Variants in PRDM6 observed in about 807,000 individuals in gnomAD.
PRDM6 encodes the protein PR/SET domain 6, also known as putative histone-lysine N-methyltransferase PRDM6.
PRDM6 carries 25 observed loss-of-function variants against 60.8 expected under a neutral mutation model. The observed-to-expected ratio is 0.41, with a 90% CI of 0.30 to 0.57. The LOEUF (loss-of-function observed/expected upper bound fraction) is 0.57. Among genes scored for constraint, PRDM6 ranks in the 20% least tolerant of loss-of-function variants. The pLI is 0.27. For synonymous variants in PRDM6, 407 were observed against 357.4 expected (o/e 1.14, Z -1.57); for missense variants, 839 against 821.3 (o/e 1.02, Z -0.26).
At chr5:123,163,367 T>G (rs1199030227) in intron 5 of PRDM6, among the ~76,000 whole-genome samples, 1 of 152,186 alleles carries the variant, frequency 6.6e-6, no homozygotes, top group East Asian at 1.9e-4. Flanking sequence ...AAGTACACAT[T>G]TCCTATCGAG....
chr5:123,109,225 T>G (rs1057163898), intron 3 of PRDM6, among the ~76,000 whole-genome samples: 2 of 152,164 alleles, frequency 1.3e-5, no homozygotes, highest in Non-Finnish European at 2.9e-5. Flanking sequence ...TTTGAAATGC[T>G]TTTTAAGGTA....
chr5:123,102,173 C>T (rs541820614), intron 3 of PRDM6, among the ~76,000 whole-genome samples: 1 of 152,264 alleles, frequency 6.6e-6, no homozygotes, highest in Non-Finnish European at 1.5e-5. Flanking sequence ...CAAAATGTGT[C>T]AGTCTCCTGG....
chr5:123,190,558 A>AATGT lies in PRDM6; in HGVS notation c.*3359_*3362dup, dbSNP rs1233404058. 2.6e-5 allele frequency: 4 copies of AATGT among 152,192 alleles called. No individual in the cohort carries two copies. The highest frequency in any genetic ancestry group is 1.3e-4 in the Admixed American group (2 of 15,274). The allele number at this position is 152,192 out of a possible 1,614,324, so 9.4% of individuals were successfully genotyped here. On this transcript the variant is annotated 3_prime_UTR_variant, in exon 8 of 8. Coordinates refer to ENST00000407847, the MANE Select transcript of PRDM6 (RefSeq NM_001136239.4). The stretch of plus-strand genomic sequence containing the variant: ...GTACATTTTTTATTGTGTTCATTTA[A>AATGT]ATGTAGCCTTCTTGGGAAACTATGT...
At chr5:123,089,971 G>C in intron 1 of PRDM6, 29 bp from the exon 2 acceptor site, 1 of 1,480,616 alleles carries the variant, frequency 6.8e-7, no homozygotes, top group East Asian at 2.7e-5. Flanking sequence ...CAGCTCACGC[G>C]CCCCCTCTTC....
At chr5:123,096,965 TC>T (rs1763973594) in intron 2 of PRDM6, among the ~76,000 whole-genome samples, 1 of 152,142 alleles carries the variant, frequency 6.6e-6, no homozygotes, top group Non-Finnish European at 1.5e-5. Flanking sequence ...GTTGACTGTC[TC>T]TGGCACAGGC....
At position 123,090,035 on chromosome 5, in the gene PRDM6, C is replaced by T; in HGVS notation, c.21C>T (p.Pro7=). 6.5e-7 allele frequency: 1 copy of T among 1,547,880 alleles called. No individual in the cohort carries two copies. The part of the protein sequence containing the change: MLKPGD[P]GGSAFLKVDP... ...CGGACATGCTGAAGCCCGGAGACCC[C>T]GGCGGTTCGGCCTTCCTCAAAGTGG... is the stretch of plus-strand genomic sequence containing the variant. Residue 7 remains proline (P), a synonymous_variant, in exon 2 of 8, where the codon CCC becomes CCT. Coordinates refer to ENST00000407847, the MANE Select transcript of PRDM6 (RefSeq NM_001136239.4).
At chr5:123,175,505 T>C (rs1765985386) in intron 6 of PRDM6, among the ~76,000 whole-genome samples, 1 of 152,240 alleles carries the variant, frequency 6.6e-6, no homozygotes, top group Non-Finnish European at 1.5e-5. Flanking sequence ...ATCCCCCAAG[T>C]GTGAAGGTTA....
Position 123,191,077 on chromosome 5 carries a change from G to T in PRDM6, c.*3876G>T, listed in dbSNP as rs1355199017. On this transcript the variant is annotated 3_prime_UTR_variant, in exon 8 of 8. Coordinates refer to ENST00000407847, the MANE Select transcript of PRDM6 (RefSeq NM_001136239.4). ...TATCAAGAGACCAGGATTAGGGCCTGGGTCTTGGGTTTTTATGACCCCCCC... is the reference window on the plus strand; with the variant it reads ...TATCAAGAGACCAGGATTAGGGCCTTGGTCTTGGGTTTTTATGACCCCCCC... The T allele has an allele frequency of 6.6e-6, 1 of 152,114 alleles. No homozygotes were observed. Among genetic ancestry groups the T allele is most frequent in the Non-Finnish European group, 1.5e-5 (1 of 68,038 alleles). 9.4% of individuals were successfully genotyped at this position (152,114 alleles called of 1,614,324 possible).
At chr5:123,178,100 T>C (rs542588064) in intron 6 of PRDM6, among the ~76,000 whole-genome samples, 5 of 152,148 alleles carry the variant, frequency 3.3e-5, no homozygotes, top group Non-Finnish European at 7.4e-5. Context: ...TCTGTTCTCC[T>C]GTGTGTAAAC....
In PRDM6 at chr5:123,089,665, C is replaced by T. The variant is rs574727357; in HGVS notation, c.-16+146C>T. 565 of 245,506 alleles carry T rather than the reference C, an allele frequency of 2.3e-3. 3 individuals carry two copies. Among genetic ancestry groups the T allele is most frequent in the Non-Finnish European group, 3.3e-3 (422 of 128,910 alleles). The allele number at this position is 245,506 out of a possible 1,614,324, so 15.2% of individuals were successfully genotyped here. On this transcript the variant is annotated intron_variant, in intron 1 of 7. Coordinates refer to ENST00000407847, the MANE Select transcript of PRDM6 (RefSeq NM_001136239.4). ...GCTCGGGCGCTGCGCCACGCCGGCT[C>T]GGGTCGGCTCCGGGCGCTGGCTGAG...
intron 5 of PRDM6, among the ~76,000 whole-genome samples, chr5:123,163,654 G>GT (rs1765683737): frequency 6.6e-6 from 1 of 152,230 alleles, no homozygotes; most frequent in Non-Finnish European, 1.5e-5. Flanking sequence ...TGTGTCGACA[G>GT]ATCACATCCG....
At chr5:123,102,965 C>T (rs534848605) in intron 3 of PRDM6, among the ~76,000 whole-genome samples, 3 of 152,136 alleles carry the variant, frequency 2.0e-5, no homozygotes, top group South Asian at 4.1e-4. Context: ...TTTATTTAAT[C>T]ATTAGAAGCT....
intron 3 of PRDM6, among the ~76,000 whole-genome samples, chr5:123,138,160 T>C (rs1765010738): frequency 6.6e-6 from 1 of 152,212 alleles, no homozygotes; most frequent in Non-Finnish European, 1.5e-5. Context: ...CTGGGGAGTT[T>C]TCCCTGTTCT....
At chr5:123,164,824 G>A (rs547928188) in intron 5 of PRDM6, among the ~76,000 whole-genome samples, 4 of 152,112 alleles carry the variant, frequency 2.6e-5, no homozygotes, top group Non-Finnish European at 5.9e-5. Context: ...CATCTCGGAT[G>A]AGTTGTTTCC....
intron 3 of PRDM6, among the ~76,000 whole-genome samples, chr5:123,151,849 G>A (rs1580521050): frequency 6.6e-6 from 1 of 152,062 alleles, no homozygotes; most frequent in Admixed American, 6.6e-5. Context: ...TGCTGGTGAG[G>A]TGCTCTCATC....
chr5:123,182,959 G>T (rs1766197997), intron 7 of PRDM6, among the ~76,000 whole-genome samples: 1 of 152,124 alleles, frequency 6.6e-6, no homozygotes, highest in Non-Finnish European at 1.5e-5. Context: ...TTTCAGAATT[G>T]ATCTATCCCA....
chr5:123,163,564 G>A (rs1485841968), intron 5 of PRDM6, among the ~76,000 whole-genome samples: 2 of 152,090 alleles, frequency 1.3e-5, no homozygotes, highest in African/African-American at 2.4e-5. Context: ...TTAAAAAGTC[G>A]TATTATAAAT....
At chr5:123,098,108 C>T (rs62375308) in intron 2 of PRDM6, among the ~76,000 whole-genome samples, 8,141 of 152,346 alleles carry the variant, frequency 0.053, 230 homozygotes, top group Middle Eastern at 0.095. Flanking sequence ...TTCATACAGA[C>T]TCACAAGTTT....
chr5:123,166,709 A>G (rs1765760722), intron 5 of PRDM6, among the ~76,000 whole-genome samples: 1 of 152,230 alleles, frequency 6.6e-6, no homozygotes, highest in South Asian at 2.1e-4. Flanking sequence ...CTCAGCAACT[A>G]TTTGTGGACT....
Sources: allele counts gnomAD v4.1 joint callset (sites outside exome capture counted in the v4.1 genomes callset), GRCh38; gene constraint gnomAD v4.1.1; transcripts MANE v1.5; gene names NCBI Gene and HGNC (gene_info 2026-07-23, HGNC 2026-07-21).